Variants in RCAN1 observed in about 807,000 individuals in gnomAD.
RCAN1 encodes the protein calcipressin-1.
A neutral mutation model predicts 22.9 loss-of-function variants in RCAN1; 11 were observed. The observed-to-expected ratio is 0.48, with a 90% confidence interval of 0.30 to 0.79. The LOEUF is 0.79. Ranked by LOEUF, RCAN1 falls within the 30% of genes least tolerant of loss-of-function variation. RCAN1 has a pLI of 0.06. For missense variants in RCAN1, 291 were observed against 337.8 expected (o/e 0.86, Z 1.09); for synonymous variants, 136 against 142.3 (o/e 0.96, Z 0.32).
chr21:34,577,020 C>A (rs562141482), intron 1 of RCAN1, among the ~76,000 whole-genome samples: 17 of 152,250 alleles, frequency 1.1e-4, no homozygotes, highest in Non-Finnish European at 2.1e-4. Flanking sequence ...ATCAGAAGGC[C>A]GGCAGGGGTC....
chr21:34,536,509 C>T (rs747951479), intron 1 of RCAN1, among the ~76,000 whole-genome samples: 55 of 152,198 alleles, frequency 3.6e-4, no homozygotes, highest in Non-Finnish European at 6.8e-4. Flanking sequence ...GGTTCATTCT[C>T]AACAAGTCAG....
intron 1 of RCAN1, chr21:34,525,186 G>T: frequency 6.4e-7 from 1 of 1,550,640 alleles, no homozygotes; most frequent in Non-Finnish European, 8.7e-7. Flanking sequence ...GCTAGCAAGC[G>T]CGGGGAGGCA....
At chr21:34,593,911 A>G (rs2123714766) in intron 1 of RCAN1, among the ~76,000 whole-genome samples, 1 of 152,332 alleles carries the variant, frequency 6.6e-6, no homozygotes, top group South Asian at 2.1e-4. Flanking sequence ...TAATACGTGT[A>G]AGAAAAAAAT....
intron 1 of RCAN1, among the ~76,000 whole-genome samples, chr21:34,604,903 G>A (rs1988476411): frequency 6.6e-6 from 1 of 152,234 alleles, no homozygotes; most frequent in South Asian, 2.1e-4. Flanking sequence ...GATTGATGGA[G>A]CCAGGATTCA....
rs1411842217 is a variant in RCAN1 at position 34,521,505 on chromosome 21, C to G, written c.580G>C (p.Gly194Arg). ...YDLLYAISKL[G>R]PGEKYELHAA... Reference sequence around the variant, plus strand: ...ACCCGAGGGCCCTGCTCACCTGGCCCCAGCTTGGAGATGGCATATAAGAGA... The same window carrying G: ...ACCCGAGGGCCCTGCTCACCTGGCCGCAGCTTGGAGATGGCATATAAGAGA... Residue 194 changes from glycine (G) to arginine (R), a missense_variant, in exon 3 of 4, where the codon GGG (glycine) becomes CGG (arginine). By Grantham distance (125) the Gly-to-Arg change is moderately radical. Transcript: ENST00000313806. 6.2e-7 allele frequency: 1 copy of G among 1,614,074 alleles called. No individual in the cohort carries two copies. The highest frequency in any genetic ancestry group is 1.3e-5 in the African/African-American group (1 of 74,940).
intron 1 of RCAN1, among the ~76,000 whole-genome samples, chr21:34,553,120 G>C (rs958566079): frequency 6.6e-6 from 1 of 152,166 alleles, no homozygotes; most frequent in East Asian, 1.9e-4. Flanking sequence ...ACAAACAAAA[G>C]AAACAGACAG....
chr21:34,579,877 G>A (rs961225450), intron 1 of RCAN1, among the ~76,000 whole-genome samples: 2 of 152,232 alleles, frequency 1.3e-5, no homozygotes, highest in Non-Finnish European at 2.9e-5. Flanking sequence ...CTGGTTTGCA[G>A]TTGTGACCTT....
chr21:34,582,066 T>C (rs1987630966), intron 1 of RCAN1, among the ~76,000 whole-genome samples: 2 of 151,996 alleles, frequency 1.3e-5, no homozygotes, highest in African/African-American at 4.8e-5. Context: ...CTCCCGGGGG[T>C]TGCTTTGGAC....
At chr21:34,595,466 C>A (rs1228116648) in intron 1 of RCAN1, among the ~76,000 whole-genome samples, 1 of 152,196 alleles carries the variant, frequency 6.6e-6, no homozygotes, top group Non-Finnish European at 1.5e-5. Flanking sequence ...CTAAGTTTGA[C>A]CTTTGAGCAA....
chr21:34,563,794 T>TATATATATAGAGAGAGAG (rs765741781), intron 1 of RCAN1, among the ~76,000 whole-genome samples: 1 of 48,728 alleles, frequency 2.1e-5, no homozygotes, highest in African/African-American at 8.4e-5. Context: ...TATATATATA[T>TATATATATAGAGAGAGAG]AGAGAGAGAG....
chr21:34,525,041 G>A, intron 1 of RCAN1: 5 of 1,547,634 alleles, frequency 3.2e-6, no homozygotes, highest in Non-Finnish European at 4.4e-6. Flanking sequence ...GAAGGGGATG[G>A]CGCAGGGTGT....
At chr21:34,549,892 A>G (rs1435784865) in intron 1 of RCAN1, among the ~76,000 whole-genome samples, 1 of 152,140 alleles carries the variant, frequency 6.6e-6, no homozygotes, top group East Asian at 1.9e-4. Flanking sequence ...CCACCCAGAC[A>G]GACTCCAGGA....
intron 1 of RCAN1, among the ~76,000 whole-genome samples, chr21:34,566,651 G>T (rs1987017843): frequency 6.6e-6 from 1 of 152,116 alleles, no homozygotes; most frequent in Non-Finnish European, 1.5e-5. Flanking sequence ...TCCCTGCTGT[G>T]TTGCTCTCAG....
intron 1 of RCAN1, among the ~76,000 whole-genome samples, chr21:34,527,461 A>T (rs2123594676): frequency 6.6e-6 from 1 of 152,352 alleles, no homozygotes; most frequent in South Asian, 2.1e-4. Context: ...ATTTTATTGG[A>T]TGAATGTCCC....
At chr21:34,521,128 G>C in intron 3 of RCAN1, 2 of 1,260,970 alleles carry the variant, frequency 1.6e-6, no homozygotes, top group African/African-American at 1.5e-5. Context: ...AGGGGGCATC[G>C]ATTTTCCCTT....
chr21:34,575,014 G>C (rs1034429424), intron 1 of RCAN1, among the ~76,000 whole-genome samples: 4 of 152,112 alleles, frequency 2.6e-5, no homozygotes, highest in Admixed American at 6.6e-5. Flanking sequence ...AGAACTGCAC[G>C]GGCAGATGGG....
chr21:34,572,264 T>C (rs2409529), intron 1 of RCAN1, among the ~76,000 whole-genome samples: 2,031 of 152,280 alleles, frequency 0.013, 47 homozygotes, highest in East Asian at 0.093. Context: ...GCTGGACTCA[T>C]CCACATGCCT....
intron 1 of RCAN1, chr21:34,559,931 C>T (rs1171188236): frequency 2.0e-5 from 3 of 152,142 alleles, no homozygotes; most frequent in Non-Finnish European, 4.4e-5. Context: ...CTGAAAAAGG[C>T]ACGGTTCAGG....
intron 3 of RCAN1, chr21:34,521,107 A>T: frequency 7.9e-7 from 1 of 1,268,356 alleles, no homozygotes; most frequent in Non-Finnish European, 9.9e-7. Flanking sequence ...ATTAAAAATA[A>T]CATTTCTTAA....
Sources: gnomAD v4.1 joint callset for allele counts (sites outside exome capture counted in the v4.1 genomes callset) on GRCh38, gnomAD v4.1.1 for gene constraint, MANE v1.5 for transcripts, NCBI Gene and HGNC (gene_info 2026-07-23, HGNC 2026-07-21) for gene names.